Variants in CCDC171 observed in about 807,000 individuals in gnomAD.
The protein encoded by CCDC171 is coiled-coil domain-containing protein 171.
Under a neutral mutation model 168.2 loss-of-function variants are expected in CCDC171, and 177 were observed. The observed-to-expected ratio is 1.05, with a 90% confidence interval of 0.93 to 1.19. The LOEUF is 1.19. Among genes scored for constraint, CCDC171 ranks in the 50% most tolerant of loss-of-function variants. The probability of loss-of-function intolerance (pLI) is 0.00; values close to 1 mark genes in which losing one functional copy is unlikely to be tolerated. For synonymous variants in CCDC171, 687 were observed against 540.8 expected, an observed-to-expected ratio of 1.27 and a Z score of -3.75; for missense variants, 1,991 against 1,539.0, an observed-to-expected ratio of 1.29 and a Z score of -4.91.
At chr9:15,698,109 C>T (rs570571226) in intron 11 of CCDC171, among the ~76,000 whole-genome samples, 1 of 152,238 alleles carries the variant, frequency 6.6e-6, no homozygotes, top group East Asian at 1.9e-4. Flanking sequence ...TTTCTTCTAA[C>T]TATATGTTTA....
chr9:15,731,640 TGTAA>T (rs1280881701), intron 16 of CCDC171, among the ~76,000 whole-genome samples: 1 of 152,114 alleles, frequency 6.6e-6, no homozygotes, highest in African/African-American at 2.4e-5. Flanking sequence ...TTTTAAATAT[TGTAA>T]GTAAAATTGC....
At chr9:16,092,324 A>C in the CCDC171 span, among the ~76,000 whole-genome samples, 3 of 152,184 alleles carry the variant, frequency 2.0e-5, no homozygotes, top group Non-Finnish European at 4.4e-5. Context: ...AGCTTGTTCG[A>C]AATGCAGATT....
intron 23 of CCDC171, among the ~76,000 whole-genome samples, chr9:15,850,917 C>T (rs539907797): frequency 2.0e-5 from 3 of 151,982 alleles, no homozygotes; most frequent in Non-Finnish European, 2.9e-5. Flanking sequence ...TTACTGTGCA[C>T]CGTAAAATAG....
intron 25 of CCDC171, among the ~76,000 whole-genome samples, chr9:15,949,175 GATCT>G (rs1828808753): frequency 6.6e-6 from 1 of 152,034 alleles, no homozygotes; most frequent in South Asian, 2.1e-4. Flanking sequence ...CTGTTCCATT[GATCT>G]ATATCTCAGT....
At chr9:16,101,565 T>C in the CCDC171 span, among the ~76,000 whole-genome samples, 3 of 152,234 alleles carry the variant, frequency 2.0e-5, no homozygotes, top group Non-Finnish European at 2.9e-5. Flanking sequence ...GTTGACTTTA[T>C]CAAGTTAAAG....
intron 24 of CCDC171, among the ~76,000 whole-genome samples, chr9:15,909,175 T>C (rs1823229723): frequency 6.6e-6 from 1 of 152,224 alleles, no homozygotes; most frequent in South Asian, 2.1e-4. Context: ...GGGCTATTAA[T>C]AAAGCAAGGC....
intron 16 of CCDC171, among the ~76,000 whole-genome samples, chr9:15,734,969 A>G (rs548814530): frequency 1.3e-5 from 2 of 152,216 alleles, no homozygotes; most frequent in Non-Finnish European, 2.9e-5. Flanking sequence ...ATATTTGGCC[A>G]TTGTAAAGAA....
chr9:15,830,087 GACA>G (rs1444984097), intron 21 of CCDC171, among the ~76,000 whole-genome samples: 1 of 152,188 alleles, frequency 6.6e-6, no homozygotes, highest in Non-Finnish European at 1.5e-5. Flanking sequence ...CTCAAGCAGT[GACA>G]ACAACTGGTA....
intron 3 of CCDC171, among the ~76,000 whole-genome samples, chr9:16,013,416 TG>T (rs1204337396): frequency 1.3e-5 from 2 of 152,250 alleles, no homozygotes; most frequent in Non-Finnish European, 2.9e-5. Context: ...AATTCTTTCC[TG>T]GATCTCTTCT....
At chr9:15,912,390 A>G (rs942203712) in intron 24 of CCDC171, among the ~76,000 whole-genome samples, 2 of 152,076 alleles carry the variant, frequency 1.3e-5, no homozygotes, top group African/African-American at 2.4e-5. Flanking sequence ...ATTTTTGCAC[A>G]TTGTTTTTGT....
chr9:15,805,428 T>C (rs2059027429), intron 21 of CCDC171, among the ~76,000 whole-genome samples: 1 of 152,128 alleles, frequency 6.6e-6, no homozygotes, highest in Admixed American at 6.6e-5. Flanking sequence ...ATCCCAGAGA[T>C]TTTGGTACAT....
intron 24 of CCDC171, chr9:15,886,709 C>A (rs1819447080): frequency 6.6e-6 from 1 of 151,414 alleles, no homozygotes; most frequent in South Asian, 2.1e-4. Context: ...GATATAGAAA[C>A]AACCTAAGTG....
intron 24 of CCDC171, 57 bp downstream of exon 24, chr9:15,874,720 T>C: frequency 7.0e-7 from 1 of 1,426,036 alleles, no homozygotes; most frequent in Non-Finnish European, 9.3e-7. Context: ...TAAATTGCAC[T>C]AACTGGAGAG....
At chr9:15,729,914 A>T in intron 16 of CCDC171, 116 bp downstream of exon 16, 1 of 721,618 alleles carries the variant, frequency 1.4e-6, no homozygotes, top group Non-Finnish European at 2.3e-6. Flanking sequence ...AACTTCGTAG[A>T]ACTTGTTTAG....
At chr9:15,765,737 G>A (rs1313495785) in intron 18 of CCDC171, among the ~76,000 whole-genome samples, 2 of 152,166 alleles carry the variant, frequency 1.3e-5, no homozygotes, top group Non-Finnish European at 2.9e-5. Flanking sequence ...CAGGCCATAG[G>A]AGGTTTTTAT....
chr9:16,085,910 T>C, the CCDC171 span, among the ~76,000 whole-genome samples: 1 of 152,180 alleles, frequency 6.6e-6, no homozygotes, highest in Non-Finnish European at 1.5e-5. Context: ...TTATCAGGAA[T>C]ATTGGCCTGA....
chr9:15,824,086 A>G (rs953193665), intron 21 of CCDC171, among the ~76,000 whole-genome samples: 2 of 152,048 alleles, frequency 1.3e-5, no homozygotes, highest in African/African-American at 4.8e-5. Flanking sequence ...CAAGCTTTAC[A>G]AGAAGTTGTA....
chr9:15,805,338 T>G (rs572819694), intron 21 of CCDC171, among the ~76,000 whole-genome samples: 3 of 152,086 alleles, frequency 2.0e-5, no homozygotes, highest in African/African-American at 7.2e-5. Flanking sequence ...TGATGTTAGG[T>G]TGTTGACTCG....
chr9:15,753,789 A>G (rs551712718), intron 18 of CCDC171, among the ~76,000 whole-genome samples: 1 of 152,170 alleles, frequency 6.6e-6, no homozygotes, highest in South Asian at 2.1e-4. Context: ...CTTTGAGAAG[A>G]GTAAGTGATT....
Sources: allele counts gnomAD v4.1 joint callset (sites outside exome capture counted in the v4.1 genomes callset), GRCh38; gene constraint gnomAD v4.1.1; transcripts MANE v1.5; gene names NCBI Gene and HGNC (gene_info 2026-07-23, HGNC 2026-07-21).